RNF220: variants seen among roughly 807,000 people sequenced by gnomAD.
RNF220 encodes E3 ubiquitin-protein ligase RNF220.
A neutral mutation model predicts 67.1 loss-of-function variants in RNF220; 7 were observed. That is an observed-to-expected ratio of 0.10 (90% CI 0.06 to 0.20). The LOEUF (loss-of-function observed/expected upper bound fraction) is 0.20. Among genes scored for constraint, RNF220 ranks in the 10% least tolerant of loss-of-function variants. RNF220 has a pLI of 1.00. For synonymous variants in RNF220, 270 were observed against 283.2 expected, an observed-to-expected ratio of 0.95 and a Z score of 0.47; for missense variants, 565 against 740.3, an observed-to-expected ratio of 0.76 and a Z score of 2.75.
intron 2 of RNF220, among the ~76,000 whole-genome samples, chr1:44,481,208 A>G (rs1655776848): frequency 6.6e-6 from 1 of 152,178 alleles, no homozygotes; most frequent in African/African-American, 2.4e-5. Context: ...GGATTGCATG[A>G]GCCCGGGAGT....
At chr1:44,612,226 T>C (rs548232389) in intron 2 of RNF220, among the ~76,000 whole-genome samples, 6 of 152,252 alleles carry the variant, frequency 3.9e-5, no homozygotes, top group Non-Finnish European at 7.3e-5. Flanking sequence ...CAGTCTGTTC[T>C]TCATCCCCAC....
intron 2 of RNF220, among the ~76,000 whole-genome samples, chr1:44,594,029 G>A (rs978187080): frequency 6.6e-6 from 1 of 150,820 alleles, no homozygotes; most frequent in Non-Finnish European, 1.5e-5. Flanking sequence ...AGGTTGCAGT[G>A]AGCTGAGATG....
At chr1:44,572,702 C>T (rs1028208197) in intron 2 of RNF220, among the ~76,000 whole-genome samples, 4 of 152,140 alleles carry the variant, frequency 2.6e-5, no homozygotes, top group African/African-American at 7.2e-5. Context: ...TCAGCTCTCT[C>T]GGTGTCTGTG....
intron 2 of RNF220, among the ~76,000 whole-genome samples, chr1:44,535,344 T>C (rs745925471): frequency 3.3e-5 from 5 of 152,112 alleles, no homozygotes; most frequent in African/African-American, 4.8e-5. Flanking sequence ...TTTCACCATA[T>C]TGGCCAGGCT....
chr1:44,641,256 T>C (rs80177602), intron 8 of RNF220, among the ~76,000 whole-genome samples: 2,678 of 152,274 alleles, frequency 0.018, 97 homozygotes, highest in African/African-American at 0.062. Context: ...CTGGGTATCA[T>C]TGACCATCAG....
At chr1:44,405,946 G>C (rs1647286414) in intron 1 of RNF220, among the ~76,000 whole-genome samples, 1 of 152,222 alleles carries the variant, frequency 6.6e-6, no homozygotes, top group Non-Finnish European at 1.5e-5. Context: ...GGTCGATATC[G>C]AGAATGCCTT....
chr1:44,420,861 A>G (rs3866641), intron 2 of RNF220, among the ~76,000 whole-genome samples: 71,672 of 152,128 alleles, frequency 0.47, 18,150 homozygotes, highest in Non-Finnish European at 0.56. Flanking sequence ...TAAGTATTCA[A>G]TACTTAGTTA....
intron 2 of RNF220, among the ~76,000 whole-genome samples, chr1:44,442,212 C>T (rs1269984746): frequency 5.9e-5 from 9 of 152,030 alleles, no homozygotes; most frequent in South Asian, 2.1e-4. Flanking sequence ...ACTGCAGCCT[C>T]GGCCTCCCTT....
In RNF220 at chr1:44,600,757, G is replaced by T. The variant is rs949011235; in HGVS notation, c.626-13408G>T. Among the ~76,000 whole-genome samples, 13 of 152,096 alleles carry T rather than the reference G, an allele frequency of 8.5e-5. No individual in the cohort carries two copies. The highest frequency in any genetic ancestry group is 1.5e-4 in the Non-Finnish European group (10 of 68,006). On this transcript the variant is annotated intron_variant, in intron 2 of 14. Transcript: ENST00000361799. This position sits in a 1 kb window ranked among gnomAD's most constrained non-coding sequence, Gnocchi z 4.0. ...AATCACTTGAACCCGGGAGGCAGAG[G>T]TTGCAGTGAGCTGAGATAGCGCCAT...
intron 2 of RNF220, among the ~76,000 whole-genome samples, chr1:44,454,188 C>A (rs1454189976): frequency 1.3e-5 from 2 of 152,090 alleles, no homozygotes; most frequent in African/African-American, 4.8e-5. Context: ...TTCCTATGTA[C>A]TAAAATAAGT....
At chr1:44,626,022 G>A (rs745563534) in intron 4 of RNF220, among the ~76,000 whole-genome samples, 5 of 152,040 alleles carry the variant, frequency 3.3e-5, no homozygotes, top group African/African-American at 1.2e-4. Context: ...CAGCCTACTC[G>A]GAGTGGACTG....
rs114587237 is a variant in RNF220 at position 44,562,946 on chromosome 1, A to G, written c.626-51219A>G. On this transcript the variant is annotated intron_variant, in intron 2 of 14. Transcript: ENST00000361799. Reference sequence around the variant, plus strand: ...GACGTTGGAAATACAGTCAAGAATTATACTTGCTCTCTGTCTTGGGGGAGC... The same window carrying G: ...GACGTTGGAAATACAGTCAAGAATTGTACTTGCTCTCTGTCTTGGGGGAGC... 9.2e-3 allele frequency among the ~76,000 whole-genome samples: 1,395 copies of G among 152,274 alleles called. 20 individuals carry two copies. The highest frequency in any genetic ancestry group is 0.032 in the African/African-American group (1,328 of 41,544).
chr1:44,470,927 T>C (rs563668721), intron 2 of RNF220, among the ~76,000 whole-genome samples: 33 of 152,242 alleles, frequency 2.2e-4, no homozygotes, highest in Non-Finnish European at 4.1e-4. Context: ...CCTTCTCCGC[T>C]TCTTTATCTC....
chr1:44,494,840 C>CT (rs981814927), intron 2 of RNF220, among the ~76,000 whole-genome samples: 1 of 152,112 alleles, frequency 6.6e-6, no homozygotes, highest in Admixed American at 6.6e-5. Flanking sequence ...AAACAAATCT[C>CT]TAACTTGTCT....
intron 1 of RNF220, among the ~76,000 whole-genome samples, 178 bp from the exon 2 acceptor site, chr1:44,411,803 G>A (rs1647994338): frequency 6.6e-6 from 1 of 152,056 alleles, no homozygotes; most frequent in Admixed American, 6.5e-5. Context: ...GTTGTCTATT[G>A]ATTTTCCTGA....
chr1:44,584,197 T>G (rs74070535), intron 2 of RNF220, among the ~76,000 whole-genome samples: 2,897 of 152,312 alleles, frequency 0.019, 78 homozygotes, highest in African/African-American at 0.066. Context: ...GGAAATGTCC[T>G]TTGGCCCTTA....
intron 5 of RNF220, 57 bp from the exon 6 acceptor site, chr1:44,632,286 A>G (rs1644168080): frequency 1.2e-6 from 2 of 1,613,706 alleles, no homozygotes; most frequent in African/African-American, 2.7e-5. Context: ...CCAGGACTGC[A>G]GGCCGCGCCT....
At chr1:44,428,835 G>A (rs1021487626) in intron 2 of RNF220, among the ~76,000 whole-genome samples, 1 of 152,092 alleles carries the variant, frequency 6.6e-6, no homozygotes, top group East Asian at 1.9e-4. Flanking sequence ...GATTCTTGGT[G>A]GTGGATAGAG....
At chr1:44,446,647 C>T (rs550205058) in intron 2 of RNF220, among the ~76,000 whole-genome samples, 2 of 151,714 alleles carry the variant, frequency 1.3e-5, no homozygotes, top group Non-Finnish European at 2.9e-5. Context: ...GCAACCTCCA[C>T]CTCCGGGTTC....
Sources: allele counts gnomAD v4.1 joint callset (sites outside exome capture counted in the v4.1 genomes callset), GRCh38; gene constraint gnomAD v4.1.1; non-coding constraint Gnocchi (gnomAD v3.1); transcripts MANE v1.5; gene names NCBI Gene and HGNC (gene_info 2026-07-23, HGNC 2026-07-21).